SS18L1: variants seen among roughly 807,000 people sequenced by gnomAD.
The protein encoded by SS18L1 is calcium-responsive transactivator.
In SS18L1, 32 loss-of-function variants were observed where a neutral mutation model predicts 70.3. The ratio of observed to expected loss-of-function variants is 0.46; its 90% CI spans 0.34 to 0.61. SS18L1 has a LOEUF of 0.61. SS18L1 is among the 20% of genes least tolerant of loss of function. The pLI, the probability that SS18L1 is intolerant of heterozygous loss-of-function variation, is 0.01. For missense variants in SS18L1, 430 were observed against 542.1 expected, an observed-to-expected ratio of 0.79 and a Z score of 2.05; for synonymous variants, 237 against 229.7, an observed-to-expected ratio of 1.03 and a Z score of -0.29.
At chr20:62,177,728 T>A (rs1371335131) in intron 10 of SS18L1, among the ~76,000 whole-genome samples, 1 of 152,214 alleles carries the variant, frequency 6.6e-6, no homozygotes, top group Non-Finnish European at 1.5e-5. Flanking sequence ...TGTTGTTTTT[T>A]GTTGTTGTTT....
intron 10 of SS18L1, 85 bp from the exon 11 acceptor site, chr20:62,179,097 T>C (rs1193070750): frequency 4.0e-5 from 60 of 1,484,112 alleles, no homozygotes; most frequent in Non-Finnish European, 5.5e-5. Context: ...TTGTCCCTCC[T>C]ACCCCCTGTC....
intron 7 of SS18L1, among the ~76,000 whole-genome samples, chr20:62,164,866 C>T (rs1252857914): frequency 6.6e-6 from 1 of 152,160 alleles, no homozygotes; most frequent in Non-Finnish European, 1.5e-5. Flanking sequence ...CACACTCCAG[C>T]CTTGGTGACA....
At chr20:62,172,126 T>C (rs2057542596) in intron 8 of SS18L1, among the ~76,000 whole-genome samples, 1 of 150,676 alleles carries the variant, frequency 6.6e-6, no homozygotes, top group African/African-American at 2.5e-5. Flanking sequence ...ATCTCGCCAC[T>C]GCACTCCAGC....
At chr20:62,157,687 A>G (rs189552924) in intron 1 of SS18L1, among the ~76,000 whole-genome samples, 6 of 152,248 alleles carry the variant, frequency 3.9e-5, no homozygotes, top group Admixed American at 3.3e-4. Flanking sequence ...GTGCACACAC[A>G]CTTTATGTGT....
At chr20:62,164,388 G>A (rs1026772515) in intron 7 of SS18L1, 142 bp downstream of exon 7, 4 of 892,244 alleles carry the variant, frequency 4.5e-6, no homozygotes, top group Non-Finnish European at 6.6e-6. Context: ...AGGCAGAGTG[G>A]CCAGACGCCC....
chr20:62,169,733 C>T (rs574031282), intron 8 of SS18L1, among the ~76,000 whole-genome samples: 8 of 151,956 alleles, frequency 5.3e-5, no homozygotes, highest in Admixed American at 5.2e-4. Flanking sequence ...GAGCCAAGAT[C>T]ACGCAACTGC....
chr20:62,161,591 C>CGGG lies in SS18L1; in HGVS notation c.376+14_376+16dup, dbSNP rs1297115935. ...GCCAGATTGGCAACGGTGAGTGCGG[C>CGGG]GGGGGAGGAGGACGTTCCTGGCTAC... is the stretch of plus-strand genomic sequence containing the variant. On this transcript the variant is annotated intron_variant, in intron 4 of 10. Coordinates refer to ENST00000331758, the MANE Select transcript of SS18L1 (RefSeq NM_198935.3). The surrounding 1 kb of genome is among the most constrained non-coding windows in gnomAD (Gnocchi z 4.4). The CGGG allele has an allele frequency of 1.3e-6, 2 of 1,598,476 alleles. No homozygotes were observed. Among genetic ancestry groups the CGGG allele is most frequent in the Non-Finnish European group, 1.7e-6 (2 of 1,168,572 alleles).
At chr20:62,163,314 C>T (rs1030747895) in intron 5 of SS18L1, 144 bp from the exon 6 acceptor site, 30 of 1,236,498 alleles carry the variant, frequency 2.4e-5, no homozygotes, top group African/African-American at 2.4e-4. Context: ...GTAGGGGAGG[C>T]GTGCCTTGCG....
At chr20:62,162,982 C>A in intron 5 of SS18L1, 51 bp downstream of exon 5, 1 of 1,589,188 alleles carries the variant, frequency 6.3e-7, no homozygotes, top group Non-Finnish European at 8.6e-7. Context: ...GCCTCCAAGA[C>A]CCTTGACACA....
At chr20:62,170,896 T>A (rs1217833644) in intron 8 of SS18L1, among the ~76,000 whole-genome samples, 1 of 151,652 alleles carries the variant, frequency 6.6e-6, no homozygotes, top group African/African-American at 2.4e-5. Flanking sequence ...CTCCTTTATT[T>A]TTTTTTTTTG....
intron 1 of SS18L1, among the ~76,000 whole-genome samples, chr20:62,155,123 C>T (rs972564933): frequency 6.6e-6 from 1 of 152,126 alleles, no homozygotes; most frequent in Non-Finnish European, 1.5e-5. Flanking sequence ...AAGTTTCAGG[C>T]CGGGTGCAAT....
intron 1 of SS18L1, among the ~76,000 whole-genome samples, chr20:62,144,497 G>A (rs944476148): frequency 2.0e-4 from 30 of 152,220 alleles, no homozygotes; most frequent in Non-Finnish European, 3.1e-4. Flanking sequence ...CATTTGCGGG[G>A]CATCGTTACG....
intron 9 of SS18L1, among the ~76,000 whole-genome samples, chr20:62,173,657 G>A (rs373081472): frequency 6.0e-5 from 9 of 150,318 alleles, no homozygotes; most frequent in Admixed American, 2.0e-4. Context: ...GCAGTGAGCC[G>A]AGATCACACC....
chr20:62,157,826 G>A (rs937721699), intron 1 of SS18L1, among the ~76,000 whole-genome samples: 1 of 152,144 alleles, frequency 6.6e-6, no homozygotes, highest in Admixed American at 6.5e-5. Context: ...CCAGGTCTAG[G>A]TCATGCCCGG....
At chr20:62,160,893 C>T (rs891148235) in intron 3 of SS18L1, among the ~76,000 whole-genome samples, 4 of 151,964 alleles carry the variant, frequency 2.6e-5, no homozygotes, top group African/African-American at 7.3e-5. Context: ...TGCTGGTTGA[C>T]CTTGATCTGG....
chr20:62,155,525 C>T (rs990760886), intron 1 of SS18L1, among the ~76,000 whole-genome samples: 3 of 152,218 alleles, frequency 2.0e-5, no homozygotes, highest in Admixed American at 6.5e-5. Context: ...GGGGCCGCAC[C>T]GCTGTGGCTT....
Position 62,162,756 on chromosome 20 carries a change from G to A in SS18L1, c.381G>A (p.Pro127=), listed in dbSNP as rs114916977. 1.1e-4 allele frequency: 182 copies of A among 1,606,830 alleles called. 1 individual carries two copies. In the East Asian group the frequency reaches 3.1e-3, roughly 27 times the overall value. ...ACTCCCTGCTCCCCATGCCAGGGCC[G>A]AGCCACGTGTCCATGCAGCAGACGG... ...SLLQGQIGNG[P]SHVSMQQTAP... Residue 127 remains proline, a synonymous_variant, in exon 5 of 11, where the codon CCG becomes CCA. Transcript: ENST00000331758.
chr20:62,144,421 GC>G (rs2056984549), intron 1 of SS18L1, among the ~76,000 whole-genome samples: 1 of 152,230 alleles, frequency 6.6e-6, no homozygotes. Context: ...TGTGGCCGGG[GC>G]TGCCCCTCTT....
Position 62,159,070 on chromosome 20 carries a change from G to A in SS18L1, c.146+322G>A, listed in dbSNP as rs982732230. The A allele has an allele frequency of 6.9e-7, 1 of 1,450,208 alleles. No individual in the cohort carries two copies. Among genetic ancestry groups the A allele is most frequent in the Non-Finnish European group, 9.2e-7 (1 of 1,085,012 alleles). The allele number at this position is 1,450,208 out of a possible 1,614,324, so 89.8% of individuals were successfully genotyped here. A position where few individuals can be genotyped will look rare whatever the true frequency, so the allele number is the denominator to read the frequency against. On this transcript the variant is annotated intron_variant, in intron 2 of 10. Transcript: ENST00000331758. This position sits in a 1 kb window ranked among gnomAD's most constrained non-coding sequence, Gnocchi z 4.4. The stretch of plus-strand genomic sequence containing the variant: ...GCCAGATATGTCCCGAGAGTCCCTG[G>A]CACAGCTGCGAAGCATTGCTGCCAG...
Sources: gnomAD v4.1 joint callset for allele counts (sites outside exome capture counted in the v4.1 genomes callset) on GRCh38, gnomAD v4.1.1 for gene constraint, Gnocchi (gnomAD v3.1) non-coding constraint, MANE v1.5 for transcripts, NCBI Gene and HGNC (gene_info 2026-07-23, HGNC 2026-07-21) for gene names.